Variants in BAZ2A observed in about 807,000 individuals in gnomAD.
BAZ2A encodes the protein bromodomain adjacent to zinc finger domain 2A, also known as bromodomain adjacent to zinc finger domain protein 2A.
BAZ2A carries 34 observed loss-of-function variants against 199.9 expected under a neutral mutation model. The observed-to-expected ratio is 0.17, with a 90% CI of 0.13 to 0.23. BAZ2A has a LOEUF of 0.23. Ranked by LOEUF, BAZ2A falls within the 10% of genes least tolerant of loss-of-function variation. The probability of loss-of-function intolerance (pLI) is 1.00; values close to 1 mark genes in which losing one functional copy is unlikely to be tolerated. For missense variants in BAZ2A, 2,002 were observed against 2,391.1 expected (o/e 0.84, Z 3.39); for synonymous variants, 857 against 883.9 (o/e 0.97, Z 0.54).
chr12:56,609,687 G>T (rs1471925647), intron 10 of BAZ2A, 49 bp downstream of exon 10: 1 of 1,545,586 alleles, frequency 6.5e-7, no homozygotes. Context: ...CAACATTTTA[G>T]ATACCTCATG....
intron 1 of BAZ2A, among the ~76,000 whole-genome samples, chr12:56,625,511 A>G (rs1951060259): frequency 6.6e-6 from 1 of 152,066 alleles, no homozygotes; most frequent in Non-Finnish European, 1.5e-5. Context: ...AATATGAGCT[A>G]AGCAGGCAGG....
At chr12:56,602,667 C>T in intron 19 of BAZ2A, 46 bp downstream of exon 19, 1 of 1,587,214 alleles carries the variant, frequency 6.3e-7, no homozygotes, top group Non-Finnish European at 8.6e-7. Context: ...TTATTTAATT[C>T]TTGTTTGATA....
chr12:56,602,046 G>C lies in BAZ2A; in HGVS notation c.3571C>G (p.Arg1191Gly). The C allele has an allele frequency of 6.4e-7, 1 of 1,556,224 alleles. No individual in the cohort carries two copies. The highest frequency in any genetic ancestry group is 1.2e-5 in the South Asian group (1 of 84,596). Reference protein sequence around the residue: ...SSPARARGRPRKTKPGSMQPR... With the variant: ...SSPARARGRPGKTKPGSMQPR... ...TGCATAGACCCGGGCTTAGTTTTTCGAGGTCGGCCTCGGGCCCGGGCAGGA... is the reference window on the plus strand; with the variant it reads ...TGCATAGACCCGGGCTTAGTTTTTCCAGGTCGGCCTCGGGCCCGGGCAGGA... The change falls in exon 20 of 29, where the codon CGA becomes GGA. Residue 1191 changes from arginine to glycine, a missense_variant. Physicochemically the swap from Arg to Gly is moderately radical, Grantham distance 125 (BLOSUM62 -2). This residue lies in a region of BAZ2A where 1,081 missense variants were observed against 1,274.7 expected (regional missense o/e 0.85). Coordinates refer to ENST00000549884, the MANE Select transcript of BAZ2A (RefSeq NM_001300905.2).
chr12:56,611,480 C>T (rs1254350011), intron 7 of BAZ2A, 93 bp downstream of exon 7: 1 of 1,300,784 alleles, frequency 7.7e-7, no homozygotes, highest in Admixed American at 1.8e-5. Context: ...CCCATTCCTC[C>T]CCCACCTCAG....
rs1490800943 is a variant in BAZ2A, at chr12:56,596,197, G to A, written c.*2421C>T. The A allele has an allele frequency of 6.5e-6, 1 of 152,720 alleles. No homozygotes were observed. The highest frequency in any genetic ancestry group is 1.9e-4 in the East Asian group (1 of 5,204). The allele number at this position is 152,720 out of a possible 1,614,324, so 9.5% of individuals were successfully genotyped here. On this transcript the variant is annotated 3_prime_UTR_variant, in exon 29 of 29. Coordinates refer to ENST00000549884, the MANE Select transcript of BAZ2A (RefSeq NM_001300905.2). ...TGCTGTAAAAGGAACACAGAAACTT[G>A]TTGGTGTTGATGGTGTGGTTTCTTC...
intron 3 of BAZ2A, 22 bp from the exon 4 acceptor site, chr12:56,614,160 CA>C (rs1950643424): frequency 6.2e-7 from 1 of 1,605,636 alleles, no homozygotes; most frequent in Non-Finnish European, 8.5e-7. Flanking sequence ...CAGGAGAGAC[CA>C]AAAGTCAAAA....
At chr12:56,602,292 T>G in intron 19 of BAZ2A, 100 bp from the exon 20 acceptor site, 3 of 1,070,562 alleles carry the variant, frequency 2.8e-6, no homozygotes, top group Non-Finnish European at 3.9e-6. Context: ...TCTCTTGGAC[T>G]TAGTCCCCCT....
intron 1 of BAZ2A, among the ~76,000 whole-genome samples, chr12:56,627,487 G>GA: frequency 6.9e-6 from 1 of 145,088 alleles, no homozygotes; most frequent in East Asian, 2.0e-4. Context: ...AAAAGAAAAA[G>GA]AAAAAAACAA....
chr12:56,604,840 T>G, intron 14 of BAZ2A, 41 bp from the exon 15 acceptor site: 1 of 1,589,256 alleles, frequency 6.3e-7, no homozygotes, highest in Non-Finnish European at 8.6e-7. Flanking sequence ...TAGGGAAAGA[T>G]GCACAACCAA....
chr12:56,606,570 T>C, intron 11 of BAZ2A, 63 bp downstream of exon 11: 1 of 1,485,084 alleles, frequency 6.7e-7, no homozygotes, highest in East Asian at 2.3e-5. Flanking sequence ...GAAATGAAAA[T>C]AAAAGATGAA....
Position 56,605,102 on chromosome 12 carries a change from G to A in BAZ2A, c.2719C>T (p.His907Tyr), listed in dbSNP as rs1464866632. 1 of 1,611,674 alleles carries A rather than the reference G, an allele frequency of 6.2e-7. No individual in the cohort carries two copies. Among genetic ancestry groups the A allele is most frequent in the East Asian group, 2.2e-5 (1 of 44,824 alleles). The change falls in exon 14 of 29, where the codon CAT (histidine) becomes TAT (tyrosine). Residue 907 changes from histidine (H) to tyrosine (Y), a missense_variant. Physicochemically the swap from His to Tyr is moderately conservative, Grantham distance 83. Around this residue, in one of 6 missense-constraint regions of BAZ2A, gnomAD observed 1,081 missense variants for 1,274.7 expected, o/e 0.85. Transcript: ENST00000549884. ...LLVRLLKAALHDPGFPSYCQS... is the reference protein window; with the variant it reads ...LLVRLLKAALYDPGFPSYCQS... ...CAGTAGGAGGGAAAGCCAGGATCAT[G>A]GAGTGCAGCCTTCAGCAGCCTGACC...
intron 7 of BAZ2A, 104 bp from the exon 8 acceptor site, chr12:56,610,621 T>G: frequency 1.0e-6 from 1 of 980,608 alleles, no homozygotes; most frequent in Middle Eastern, 2.1e-4. Context: ...CCCACATTTG[T>G]ATCTCTAGAA....
chr12:56,602,565 G>A (rs1950212965), intron 19 of BAZ2A, 148 bp downstream of exon 19: 3 of 1,061,962 alleles, frequency 2.8e-6, no homozygotes, highest in Middle Eastern at 2.6e-4. Context: ...AGAGCAGGTG[G>A]GTAGGCAGCT....
Position 56,610,405 on chromosome 12 carries a change from T to A in BAZ2A, c.1779+4A>T, listed in dbSNP as rs777363019. ...AAGCAGTCCTTTAAAAAAAGCTACA[T>A]TACCTTGATCACTTCTGGAAATTGC... On this transcript the variant is annotated splice_donor_region_variant and intron_variant, in intron 8 of 28. Transcript: ENST00000549884. The A allele has an allele frequency of 1.2e-6, 2 of 1,613,238 alleles. No individual in the cohort carries two copies. Among genetic ancestry groups the A allele is most frequent in the South Asian group, 1.1e-5 (1 of 90,994 alleles).
intron 1 of BAZ2A, among the ~76,000 whole-genome samples, chr12:56,619,687 A>G (rs1195318384): frequency 6.6e-6 from 1 of 152,116 alleles, no homozygotes; most frequent in Non-Finnish European, 1.5e-5. Flanking sequence ...AATTGTCTGT[A>G]TCTTAATCAA....
At position 56,604,641 on chromosome 12, in the gene BAZ2A, C is replaced by T. The variant is rs774246342; in HGVS notation, c.2907G>A (p.Lys969=). ...GCACAAGGAAGGCCAGGACAGCAGC[C>T]TTCTGCTGGGGTGGCTGGGCCTGAA... ...QPFQAQPPQQ[K]AAVLAFLVHE... is the part of the protein sequence containing the mutation. The change falls in exon 15 of 29, where the codon AAG becomes AAA. Residue 969 remains lysine (K), a synonymous_variant. Transcript: ENST00000549884. The T allele has an allele frequency of 2.5e-6, 4 of 1,608,764 alleles. No homozygotes were observed. Among genetic ancestry groups the T allele is most frequent in the Non-Finnish European group, 3.4e-6 (4 of 1,177,580 alleles).
chr12:56,599,611 C>T, intron 26 of BAZ2A, 91 bp downstream of exon 26: 1 of 1,566,416 alleles, frequency 6.4e-7, no homozygotes, highest in Non-Finnish European at 8.7e-7. Context: ...TCCCCTAATA[C>T]CCAGTCTAGG....
chr12:56,613,951 A>G lies in BAZ2A; in HGVS notation c.916+2T>C, dbSNP rs1950637625. On this transcript the variant is annotated splice_donor_variant, in intron 4 of 28. Coordinates refer to ENST00000549884, the MANE Select transcript of BAZ2A (RefSeq NM_001300905.2). LOFTEE classifies it high-confidence loss of function. ...TTAAAGGGACATAGCCTCCAAACCT[A>G]CCTGGTGCCAGAGAGTTGAAGGGCT... 1.9e-6 allele frequency: 3 copies of G among 1,612,810 alleles called. No homozygotes were observed. The highest frequency in any genetic ancestry group is 2.2e-5 in the South Asian group (2 of 91,012).
chr12:56,615,198 A>G lies in BAZ2A; in HGVS notation c.546T>C (p.Pro182=). 6.2e-7 allele frequency: 1 copy of G among 1,613,742 alleles called. No individual in the cohort carries two copies. The highest frequency in any genetic ancestry group is 2.2e-5 in the East Asian group (1 of 44,872). The change falls in exon 3 of 29, where the codon CCT becomes CCC. Residue 182 remains proline, a synonymous_variant. Coordinates refer to ENST00000549884, the MANE Select transcript of BAZ2A (RefSeq NM_001300905.2). ...AAGTCTGTGGGGAGGTGAAAAAACT[A>G]GGGGGTCCATTGGGCATCACCTCAA... The part of the protein sequence containing the change: ...QNFEVMPNGP[P]SFFTSPQTSP...
Sources: allele counts gnomAD v4.1 joint callset (sites outside exome capture counted in the v4.1 genomes callset), GRCh38; gene constraint gnomAD v4.1.1; regional missense constraint gnomAD v4.1.1; transcripts MANE v1.5; gene names NCBI Gene and HGNC (gene_info 2026-07-23, HGNC 2026-07-21).